Variants in LIN52 observed in about 807,000 individuals in gnomAD.
LIN52 encodes the protein protein lin-52 homolog.
Under a neutral mutation model 18.5 loss-of-function variants are expected in LIN52, and 4 were observed. That is an observed-to-expected ratio of 0.22 (90% confidence interval 0.11 to 0.49). LIN52 has a LOEUF of 0.49. Among genes scored for constraint, LIN52 ranks in the 20% least tolerant of loss-of-function variants. The pLI is 0.97. For missense variants in LIN52, 102 were observed against 139.5 expected (o/e 0.73, Z 1.35); for synonymous variants, 34 against 45.5 (o/e 0.75, Z 1.02).
chr14:74,123,649 C>A (rs553428119), intron 5 of LIN52, among the ~76,000 whole-genome samples: 5 of 152,096 alleles, frequency 3.3e-5, no homozygotes, highest in African/African-American at 1.2e-4. Flanking sequence ...GTGGTAGGCA[C>A]CCTCTAAGAC....
intron 5 of LIN52, among the ~76,000 whole-genome samples, chr14:74,163,971 G>A (rs1566864559): frequency 6.8e-6 from 1 of 147,944 alleles, no homozygotes; most frequent in Non-Finnish European, 1.5e-5. Context: ...TGGAAGATGG[G>A]GTCTGTACTG....
At chr14:74,146,421 G>C (rs767286988) in intron 5 of LIN52, among the ~76,000 whole-genome samples, 1 of 152,204 alleles carries the variant, frequency 6.6e-6, no homozygotes. Context: ...GTGGGATGCA[G>C]GTACTGGGTG....
chr14:74,151,106 G>A (rs1003566653), intron 5 of LIN52, among the ~76,000 whole-genome samples: 6 of 152,126 alleles, frequency 3.9e-5, no homozygotes, highest in Non-Finnish European at 7.4e-5. Flanking sequence ...TAGAGAAAGG[G>A]TGGTGATGAA....
intron 5 of LIN52, among the ~76,000 whole-genome samples, chr14:74,166,411 C>T (rs912233048): frequency 4.0e-5 from 6 of 151,868 alleles, no homozygotes; most frequent in African/African-American, 1.5e-4. Context: ...GATGGGGTTT[C>T]TCCGTGTTGG....
chr14:74,188,378 C>T (rs897748782), intron 5 of LIN52, among the ~76,000 whole-genome samples: 1 of 152,034 alleles, frequency 6.6e-6, no homozygotes, highest in East Asian at 1.9e-4. Context: ...CAGCCCAAGA[C>T]ATTTGATGTA....
chr14:74,175,586 A>G (rs10150366), intron 5 of LIN52, among the ~76,000 whole-genome samples: 67,628 of 151,600 alleles, frequency 0.45, 16,177 homozygotes, highest in Non-Finnish European at 0.53. Context: ...GGTCCCAGCT[A>G]TTCAGGAGGC....
intron 5 of LIN52, among the ~76,000 whole-genome samples, chr14:74,120,544 C>T (rs1027242718): frequency 3.9e-5 from 6 of 152,054 alleles, no homozygotes; most frequent in African/African-American, 1.4e-4. Context: ...CACCTGAGGT[C>T]AGGAGTTCGA....
chr14:74,197,481 C>G (rs760871057), intron 5 of LIN52, among the ~76,000 whole-genome samples: 2 of 152,130 alleles, frequency 1.3e-5, no homozygotes, highest in Non-Finnish European at 2.9e-5. Context: ...CAGTCTCTGC[C>G]TTCAGTTTTT....
chr14:74,169,692 T>C (rs541386088), intron 5 of LIN52, among the ~76,000 whole-genome samples: 2 of 152,350 alleles, frequency 1.3e-5, no homozygotes, highest in African/African-American at 4.8e-5. Context: ...AGATCTATCA[T>C]AGTACCCCCT....
intron 5 of LIN52, among the ~76,000 whole-genome samples, chr14:74,175,584 C>CT (rs1178595878): frequency 6.6e-6 from 1 of 151,942 alleles, no homozygotes; most frequent in East Asian, 1.9e-4. Flanking sequence ...GAGGTCCCAG[C>CT]TATTCAGGAG....
chr14:74,185,527 A>G (rs2061337520), intron 5 of LIN52, among the ~76,000 whole-genome samples: 1 of 151,738 alleles, frequency 6.6e-6, no homozygotes, highest in Admixed American at 6.6e-5. Flanking sequence ...GTTAGCCCGG[A>G]TGGTCTCAAT....
intron 5 of LIN52, among the ~76,000 whole-genome samples, chr14:74,126,511 A>G (rs576670780): frequency 1.3e-5 from 2 of 152,366 alleles, no homozygotes; most frequent in South Asian, 2.1e-4. Context: ...GAATGAATAA[A>G]CAAAATGTGG....
At chr14:74,181,156 G>A (rs937904074) in intron 5 of LIN52, among the ~76,000 whole-genome samples, 2 of 150,310 alleles carry the variant, frequency 1.3e-5, no homozygotes, top group African/African-American at 4.9e-5. Context: ...GGAAAGAATG[G>A]AAGGCCATTT....
At chr14:74,113,970 C>CTTTTT (rs958731216) in intron 5 of LIN52, 1 of 170,204 alleles carries the variant, frequency 5.9e-6, no homozygotes, top group African/African-American at 2.5e-5. Flanking sequence ...TCTTTCTTTT[C>CTTTTT]TTTTTTTTTT....
chr14:74,089,299 T>C (rs2060756201), intron 1 of LIN52, among the ~76,000 whole-genome samples: 1 of 152,142 alleles, frequency 6.6e-6, no homozygotes, highest in African/African-American at 2.4e-5. Flanking sequence ...ATGGTAGTGT[T>C]ATTTCTTGAG....
chr14:74,114,542 GT>G, intron 5 of LIN52: 1 of 536,244 alleles, frequency 1.9e-6, no homozygotes, highest in Non-Finnish European at 2.4e-6. Flanking sequence ...TTACCATGAT[GT>G]TTTAGCCTAA....
intron 5 of LIN52, among the ~76,000 whole-genome samples, chr14:74,175,964 A>G (rs2061292367): frequency 6.6e-6 from 1 of 152,052 alleles, no homozygotes; most frequent in Admixed American, 6.6e-5. Context: ...TGGGTGACAT[A>G]GTGAGGCCCA....
intron 5 of LIN52, among the ~76,000 whole-genome samples, chr14:74,101,740 G>T (rs1295537328): frequency 6.6e-6 from 1 of 152,172 alleles, no homozygotes; most frequent in East Asian, 1.9e-4. Flanking sequence ...GATTACAGGC[G>T]TGAGCCACCG....
chr14:74,195,585 G>T (rs1157625190), intron 5 of LIN52, among the ~76,000 whole-genome samples: 3 of 150,292 alleles, frequency 2.0e-5, no homozygotes, highest in African/African-American at 7.4e-5. Context: ...TGCGCGTGTA[G>T]ACGAGGAATA....
Sources: allele counts gnomAD v4.1 joint callset (sites outside exome capture counted in the v4.1 genomes callset), GRCh38; gene constraint gnomAD v4.1.1; transcripts MANE v1.5; gene names NCBI Gene and HGNC (gene_info 2026-07-23, HGNC 2026-07-21).